The following CREB5 variants were observed in gnomAD, a reference collection of about 807,000 sequenced individuals.
CREB5 encodes cAMP responsive element binding protein 5, also known as cyclic AMP-responsive element-binding protein 5.
A neutral mutation model predicts 57.1 loss-of-function variants in CREB5; 19 were observed. The observed-to-expected ratio is 0.33, with a 90% CI of 0.23 to 0.49. The LOEUF (loss-of-function observed/expected upper bound fraction) is 0.49, where lower values mean the gene tolerates loss of function less well. CREB5 is among the 20% of genes least tolerant of loss of function. The probability of loss-of-function intolerance (pLI) is 0.99; values close to 1 mark genes in which losing one functional copy is unlikely to be tolerated. For synonymous variants in CREB5, 238 were observed against 238.3 expected (o/e 1.00, Z 0.01); for missense variants, 579 against 671.6 (o/e 0.86, Z 1.52).
intron 5 of CREB5, among the ~76,000 whole-genome samples, chr7:28,709,191 T>A (rs769556536): frequency 2.6e-5 from 4 of 152,234 alleles, no homozygotes; most frequent in Non-Finnish European, 4.4e-5. Context: ...TATTGGCTGA[T>A]TGAAAAGCCA....
intron 5 of CREB5, among the ~76,000 whole-genome samples, chr7:28,665,299 A>G (rs1214707552): frequency 6.6e-6 from 1 of 152,210 alleles, no homozygotes; most frequent in Non-Finnish European, 1.5e-5. Flanking sequence ...TAAAAGGGCC[A>G]GGCAGAGTTG....
intron 7 of CREB5, among the ~76,000 whole-genome samples, chr7:28,772,507 C>A (rs1181785833): frequency 6.6e-6 from 1 of 151,994 alleles, no homozygotes; most frequent in Non-Finnish European, 1.5e-5. Flanking sequence ...GCGCCCAGCA[C>A]TGAATAACTG....
intron 4 of CREB5, among the ~76,000 whole-genome samples, chr7:28,529,830 T>G (rs528459956): frequency 5.9e-5 from 9 of 152,202 alleles, no homozygotes; most frequent in Non-Finnish European, 1.3e-4. Context: ...TCCAACACAC[T>G]TTGCTTTACC....
At chr7:28,445,737 G>C (rs1789423840) in intron 1 of CREB5, among the ~76,000 whole-genome samples, 1 of 151,838 alleles carries the variant, frequency 6.6e-6, no homozygotes, top group Non-Finnish European at 1.5e-5. Context: ...ATTTTTAGTT[G>C]AGATGGGGTT....
At chr7:28,701,784 C>T (rs1801872549) in intron 5 of CREB5, among the ~76,000 whole-genome samples, 1 of 152,082 alleles carries the variant, frequency 6.6e-6, no homozygotes, top group Non-Finnish European at 1.5e-5. Flanking sequence ...GATTTTTTAC[C>T]ATCTTCCTTG....
At chr7:28,640,481 G>GA (rs1223597594) in intron 5 of CREB5, among the ~76,000 whole-genome samples, 1 of 152,082 alleles carries the variant, frequency 6.6e-6, no homozygotes, top group Non-Finnish European at 1.5e-5. Context: ...TTACCATTTG[G>GA]AAAAAATGCC....
At chr7:28,727,594 A>C (rs2237350) in intron 7 of CREB5, among the ~76,000 whole-genome samples, 52,395 of 151,902 alleles carry the variant, frequency 0.34, 9,766 homozygotes, top group Admixed American at 0.49. Context: ...TATTTATGGG[A>C]ATCAGACCAA....
chr7:28,366,469 A>G (rs1786589258), intron 1 of CREB5, among the ~76,000 whole-genome samples: 1 of 152,182 alleles, frequency 6.6e-6, no homozygotes, highest in African/African-American at 2.4e-5. Context: ...GACAGAGTTC[A>G]GCATTAATCC....
intron 5 of CREB5, among the ~76,000 whole-genome samples, chr7:28,626,067 T>C (rs1797987357): frequency 6.6e-6 from 1 of 152,214 alleles, no homozygotes; most frequent in Non-Finnish European, 1.5e-5. Context: ...CATTCATTTA[T>C]GAGGTCATTC....
chr7:28,593,359 C>T (rs373523859), intron 5 of CREB5, among the ~76,000 whole-genome samples: 1 of 152,196 alleles, frequency 6.6e-6, no homozygotes, highest in East Asian at 1.9e-4. Context: ...AGCGGTTCTC[C>T]TGCCTCAGCC....
chr7:28,559,096 C>T (rs1465413140), intron 4 of CREB5, among the ~76,000 whole-genome samples: 5 of 152,286 alleles, frequency 3.3e-5, no homozygotes, highest in Non-Finnish European at 7.4e-5. Flanking sequence ...TGTTTATCTG[C>T]CCCACACCTG....
intron 4 of CREB5, among the ~76,000 whole-genome samples, chr7:28,552,970 C>T (rs1428592958): frequency 6.6e-6 from 1 of 152,220 alleles, no homozygotes; most frequent in African/African-American, 2.4e-5. Flanking sequence ...ACCAGAATAG[C>T]CATTCATATG....
chr7:28,642,987 T>TACACACAC lies in CREB5; in HGVS notation c.464+72489_464+72496dup, dbSNP rs1179446048. 3.0e-3 allele frequency among the ~76,000 whole-genome samples: 295 copies of TACACACAC among 98,366 alleles called. 2 individuals carry two copies. The highest frequency in any genetic ancestry group is 0.011 in the Middle Eastern group (2 of 188). The allele number at this position is 98,366 out of a possible 152,430, so 64.5% of individuals were successfully genotyped here. ...ACACACACACACACACACACACACA[T>TACACACAC]ACACACACACACACACACACACACA... is the stretch of plus-strand genomic sequence containing the variant. On this transcript the variant is annotated intron_variant, in intron 5 of 10. Coordinates refer to ENST00000357727, the MANE Select transcript of CREB5 (RefSeq NM_182898.4).
rs533577955 is a variant in CREB5, at chr7:28,655,448, A to G, written c.465-63305A>G. ...GTGGCCATCCTGCTTGTCTCTACAAAATAAATTTAAAAATTAGCCAGGCAT... is the reference window on the plus strand; with the variant it reads ...GTGGCCATCCTGCTTGTCTCTACAAGATAAATTTAAAAATTAGCCAGGCAT... On this transcript the variant is annotated intron_variant, in intron 5 of 10. Transcript: ENST00000357727. Among the ~76,000 whole-genome samples, 81 of 152,130 alleles carry G rather than the reference A, an allele frequency of 5.3e-4. No individual in the cohort carries two copies. The South Asian group carries it at 0.016, about 31-fold the overall frequency.
chr7:28,686,261 T>C lies in CREB5; in HGVS notation c.465-32492T>C, dbSNP rs568572066. ...TAGATTTTTTTTGCCCCTACTGCCTTCTGTTTTTGAGCCTTCGTCCTCCTC... is the reference window on the plus strand; with the variant it reads ...TAGATTTTTTTTGCCCCTACTGCCTCCTGTTTTTGAGCCTTCGTCCTCCTC... On this transcript the variant is annotated intron_variant, in intron 5 of 10. Transcript: ENST00000357727. 8.1e-5 allele frequency: 105 copies of C among 1,291,762 alleles called. 2 individuals carry two copies. The South Asian group carries it at 1.2e-3, about 14-fold the overall frequency. 80.0% of individuals were successfully genotyped at this position (1,291,762 alleles called of 1,614,324 possible).
At chr7:28,586,302 G>A (rs1796304707) in intron 5 of CREB5, among the ~76,000 whole-genome samples, 1 of 152,206 alleles carries the variant, frequency 6.6e-6, no homozygotes, top group Admixed American at 6.5e-5. Flanking sequence ...GGAGGAGAAG[G>A]GGAGGAGGCA....
intron 1 of CREB5, among the ~76,000 whole-genome samples, chr7:28,318,091 G>A (rs1785414859): frequency 6.6e-6 from 1 of 152,142 alleles, no homozygotes; most frequent in African/African-American, 2.4e-5. Context: ...AATATATGAA[G>A]TTATCTGATT....
intron 9 of CREB5, among the ~76,000 whole-genome samples, chr7:28,814,243 A>G (rs1809291684): frequency 6.6e-6 from 1 of 152,188 alleles, no homozygotes; most frequent in Non-Finnish European, 1.5e-5. Context: ...CATTTCCTAC[A>G]CTAATCAGTC....
intron 5 of CREB5, among the ~76,000 whole-genome samples, chr7:28,639,155 C>G (rs1798546799): frequency 6.6e-6 from 1 of 152,140 alleles, no homozygotes; most frequent in Non-Finnish European, 1.5e-5. Flanking sequence ...TGATTTCAGC[C>G]TCTCCTAATA....
Sources: gnomAD v4.1 joint callset for allele counts (sites outside exome capture counted in the v4.1 genomes callset) on GRCh38, gnomAD v4.1.1 for gene constraint, MANE v1.5 for transcripts, NCBI Gene and HGNC (gene_info 2026-07-23, HGNC 2026-07-21) for gene names.